The following SLC35A3 variants were observed in gnomAD, a reference collection of about 807,000 sequenced individuals.
The protein encoded by SLC35A3 is UDP-N-acetylglucosamine transporter.
In SLC35A3, 26 loss-of-function variants were observed where a neutral mutation model predicts 39.0. That is an observed-to-expected ratio of 0.67 (90% CI 0.49 to 0.92). SLC35A3 has a LOEUF of 0.92. Ranked by LOEUF, SLC35A3 falls within the 40% of genes least tolerant of loss-of-function variation. The pLI, the probability that SLC35A3 is intolerant of heterozygous loss-of-function variation, is 0.00. For missense variants in SLC35A3, 299 were observed against 371.6 expected (o/e 0.80, Z 1.61); for synonymous variants, 135 against 133.1 (o/e 1.01, Z -0.10).
At chr1:100,019,497 T>C (rs2101473330) in intron 7 of SLC35A3, among the ~76,000 whole-genome samples, 1 of 152,364 alleles carries the variant, frequency 6.6e-6, no homozygotes, top group African/African-American at 2.4e-5. Flanking sequence ...CTAAGCCCTC[T>C]ATCTTTATGC....
chr1:99,970,492 C>G, intron 1 of SLC35A3: 1 of 1,403,586 alleles, frequency 7.1e-7, no homozygotes, highest in Non-Finnish European at 9.7e-7. Flanking sequence ...GAGCTAGTGA[C>G]GGGTGGGCCC....
chr1:99,970,480 C>A (rs1656737185), intron 1 of SLC35A3: 1 of 1,247,510 alleles, frequency 8.0e-7, no homozygotes. Flanking sequence ...CTGGTGCGTG[C>A]GGAGCTAGTG....
intron 5 of SLC35A3, among the ~76,000 whole-genome samples, chr1:100,012,060 A>G (rs1023445747): frequency 1.3e-5 from 2 of 152,068 alleles, no homozygotes; most frequent in Non-Finnish European, 2.9e-5. Flanking sequence ...AAGAATATGA[A>G]AAACTTAGAT....
intron 1 of SLC35A3, among the ~76,000 whole-genome samples, chr1:99,984,237 G>T (rs1174989259): frequency 6.6e-6 from 1 of 152,098 alleles, no homozygotes; most frequent in African/African-American, 2.4e-5. Context: ...CCGGATAATT[G>T]ATTCCCCTGG....
chr1:100,007,007 T>A, intron 3 of SLC35A3, 27 bp from the exon 4 acceptor site: 1 of 1,575,624 alleles, frequency 6.3e-7, no homozygotes, highest in Non-Finnish European at 8.6e-7. Context: ...AAACGAACAT[T>A]AATAATATTA....
chr1:100,016,528 C>T lies in SLC35A3; in HGVS notation c.753+1108C>T, dbSNP rs561267611. On this transcript the variant is annotated intron_variant, in intron 6 of 7. Coordinates refer to ENST00000533028, the MANE Select transcript of SLC35A3 (RefSeq NM_012243.3). The stretch of plus-strand genomic sequence containing the variant: ...AGCTGGGACTACAGGCGCCCGCCAC[C>T]AAGCCCAGCTAATTTTTTGTATTTT... 3.2e-4 allele frequency among the ~76,000 whole-genome samples: 49 copies of T among 151,946 alleles called. No individual in the cohort carries two copies. In the South Asian group the frequency reaches 9.8e-3, roughly 30 times the overall value.
At chr1:99,992,244 T>C (rs554839427) in intron 1 of SLC35A3, among the ~76,000 whole-genome samples, 2 of 152,322 alleles carry the variant, frequency 1.3e-5, no homozygotes, top group African/African-American at 4.8e-5. Context: ...TTTGAAGGTA[T>C]GTTATTAGGC....
intron 3 of SLC35A3, among the ~76,000 whole-genome samples, chr1:100,003,717 G>T (rs1039936687): frequency 1.3e-5 from 2 of 151,986 alleles, no homozygotes; most frequent in Non-Finnish European, 2.9e-5. Flanking sequence ...CTGAGAGTGG[G>T]GTTGTGAAGT....
At chr1:100,009,878 A>G (rs910350436) in intron 4 of SLC35A3, among the ~76,000 whole-genome samples, 2 of 152,182 alleles carry the variant, frequency 1.3e-5, no homozygotes, top group Admixed American at 6.5e-5. Flanking sequence ...TTGAGGAGAT[A>G]GTAAGTTTCT....
chr1:100,007,685 A>T (rs1659342446), intron 4 of SLC35A3: 1 of 152,326 alleles, frequency 6.6e-6, no homozygotes, highest in Admixed American at 6.6e-5. Flanking sequence ...TTTTTAAAAA[A>T]AATTTATAAA....
At chr1:100,010,673 A>C (rs577324836) in intron 4 of SLC35A3, among the ~76,000 whole-genome samples, 1 of 152,260 alleles carries the variant, frequency 6.6e-6, no homozygotes, top group South Asian at 2.1e-4. Context: ...TGGGTGACAA[A>C]GTGAGACCAT....
intron 1 of SLC35A3, among the ~76,000 whole-genome samples, chr1:99,987,352 C>T (rs1657805988): frequency 6.6e-6 from 1 of 152,140 alleles, no homozygotes; most frequent in Admixed American, 6.5e-5. Flanking sequence ...TAAGCTTGAT[C>T]CTCTATTTGT....
chr1:99,990,830 C>T (rs1453886655), intron 1 of SLC35A3, among the ~76,000 whole-genome samples: 1 of 152,122 alleles, frequency 6.6e-6, no homozygotes, highest in Non-Finnish European at 1.5e-5. Flanking sequence ...CATGAAAGTG[C>T]AGCCCTCATG....
chr1:99,973,876 G>A (rs1055587715), intron 1 of SLC35A3, among the ~76,000 whole-genome samples: 6 of 152,132 alleles, frequency 3.9e-5, no homozygotes, highest in African/African-American at 1.4e-4. Context: ...TTATCCTGGC[G>A]TGGTGGTGGA....
intron 3 of SLC35A3, among the ~76,000 whole-genome samples, chr1:100,004,549 G>T (rs893297367): frequency 6.6e-6 from 1 of 151,714 alleles, no homozygotes; most frequent in Non-Finnish European, 1.5e-5. Context: ...AGATCTGCCC[G>T]CCTTGGCCTC....
rs116248667 is a variant in SLC35A3, at chr1:99,982,516, G to A, written c.-18-11021G>A. Among the ~76,000 whole-genome samples, 1,440 of 152,114 alleles carry A rather than the reference G, an allele frequency of 9.5e-3. 22 individuals carry two copies. Among genetic ancestry groups the A allele is most frequent in the African/African-American group, 0.032 (1,348 of 41,494 alleles). On this transcript the variant is annotated intron_variant, in intron 1 of 7. Transcript: ENST00000533028. ...AATATTTAGACCTGTAAAGTAACTC[G>A]TAGTTGGCTGATAAAACTTTGTAAA...
Position 99,979,901 on chromosome 1 carries a change from G to A in SLC35A3, c.-19+9739G>A, listed in dbSNP as rs555960084. 1.4e-4 allele frequency among the ~76,000 whole-genome samples: 21 copies of A among 151,826 alleles called. No individual in the cohort carries two copies. The East Asian group carries it at 2.8e-3, about 20-fold the overall frequency. ...TCTACTAGAAATACAAAAATTAGCC[G>A]GACATGGTGGTGCAAGCCTATAATC... is the stretch of plus-strand genomic sequence containing the variant. On this transcript the variant is annotated intron_variant, in intron 1 of 7. Coordinates refer to ENST00000533028, the MANE Select transcript of SLC35A3 (RefSeq NM_012243.3).
At chr1:100,003,438 A>AAAAAG (rs1329391996) in intron 3 of SLC35A3, among the ~76,000 whole-genome samples, 3 of 148,912 alleles carry the variant, frequency 2.0e-5, no homozygotes, top group African/African-American at 7.6e-5. Context: ...AAAAAAAAAA[A>AAAAAG]AGAGAAGAGG....
At chr1:99,987,855 G>A (rs1208104787) in intron 1 of SLC35A3, among the ~76,000 whole-genome samples, 1 of 152,078 alleles carries the variant, frequency 6.6e-6, no homozygotes, top group Non-Finnish European at 1.5e-5. Context: ...GATAGAGGTG[G>A]GGTGAAGAAT....
Sources: gnomAD v4.1 joint callset for allele counts (sites outside exome capture counted in the v4.1 genomes callset) on GRCh38, gnomAD v4.1.1 for gene constraint, MANE v1.5 for transcripts, NCBI Gene and HGNC (gene_info 2026-07-23, HGNC 2026-07-21) for gene names.